The following ADGRL3 variants were observed in gnomAD, a reference collection of about 807,000 sequenced individuals.
The protein encoded by ADGRL3 is calcium-independent alpha-latrotoxin receptor 3.
In ADGRL3, 62 loss-of-function variants were observed where a neutral mutation model predicts 153.5. That is an observed-to-expected ratio of 0.40 (90% CI 0.33 to 0.50). ADGRL3 has a LOEUF of 0.50. Ranked by LOEUF, ADGRL3 falls within the 20% of genes least tolerant of loss-of-function variation. The probability of loss-of-function intolerance (pLI) is 0.47; values close to 1 mark genes in which losing one functional copy is unlikely to be tolerated. For missense variants in ADGRL3, 1,641 were observed against 1,859.4 expected, an observed-to-expected ratio of 0.88 and a Z score of 2.16; for synonymous variants, 710 against 672.5, an observed-to-expected ratio of 1.06 and a Z score of -0.86.
chr4:61,437,073 G>A (rs535845664), intron 2 of ADGRL3, among the ~76,000 whole-genome samples: 4 of 152,108 alleles, frequency 2.6e-5, no homozygotes, highest in Non-Finnish European at 5.9e-5. Flanking sequence ...AGTATTGATA[G>A]GAACCTAAAA....
chr4:61,617,566 A>G (rs2149782561), intron 5 of ADGRL3, among the ~76,000 whole-genome samples: 1 of 152,288 alleles, frequency 6.6e-6, no homozygotes, highest in Admixed American at 6.5e-5. Flanking sequence ...TTCCTGTAAG[A>G]AAAACACCTC....
intron 5 of ADGRL3, among the ~76,000 whole-genome samples, chr4:61,653,171 C>G (rs2094326710): frequency 7.2e-5 from 1 of 13,872 alleles, no homozygotes; most frequent in African/African-American, 5.0e-4. Context: ...CTCTCTCTCT[C>G]ACACACACAC....
At chr4:61,339,749 A>G (rs976339585) in intron 1 of ADGRL3, among the ~76,000 whole-genome samples, 1 of 152,312 alleles carries the variant, frequency 6.6e-6, no homozygotes, top group South Asian at 2.1e-4. Flanking sequence ...CCCTTTGTAC[A>G]TTAATATAAA....
At chr4:61,642,948 T>A (rs1424333434) in intron 5 of ADGRL3, among the ~76,000 whole-genome samples, 4 of 152,216 alleles carry the variant, frequency 2.6e-5, no homozygotes, top group Non-Finnish European at 5.9e-5. Context: ...TTTGTTTGTA[T>A]CCTCTTTTAT....
intron 1 of ADGRL3, among the ~76,000 whole-genome samples, chr4:61,320,269 A>G (rs1385626285): frequency 2.6e-5 from 4 of 152,222 alleles, no homozygotes; most frequent in African/African-American, 9.6e-5. Flanking sequence ...ACCTTCTTAT[A>G]TGCAAATATA....
chr4:61,241,709 T>C (rs991649444), intron 1 of ADGRL3, among the ~76,000 whole-genome samples: 1 of 152,026 alleles, frequency 6.6e-6, no homozygotes, highest in Non-Finnish European at 1.5e-5. Context: ...CAACTTAATG[T>C]ATAAACCTTT....
At position 61,830,999 on chromosome 4, in the gene ADGRL3, G is replaced by A. The variant is rs891180992; in HGVS notation, c.1480+17110G>A. Among the ~76,000 whole-genome samples the A allele has an allele frequency of 9.9e-5, 15 of 151,972 alleles. No individual in the cohort carries two copies. In the East Asian group the frequency reaches 1.4e-3, roughly 14 times the overall value. ...TGCCTCCTGGGTTCAAGCAATCCTC[G>A]TGCCTCAGCCACCCAAATAGCTGGG... is the stretch of plus-strand genomic sequence containing the variant. On this transcript the variant is annotated intron_variant, in intron 9 of 26. Transcript: ENST00000683033.
chr4:61,353,909 C>T (rs1397014811), intron 1 of ADGRL3, among the ~76,000 whole-genome samples: 1 of 151,938 alleles, frequency 6.6e-6, no homozygotes, highest in Non-Finnish European at 1.5e-5. Context: ...TTTACCATAC[C>T]ATTTCCCTTA....
At chr4:61,531,948 T>A (rs181707082) in intron 4 of ADGRL3, among the ~76,000 whole-genome samples, 110 of 152,260 alleles carry the variant, frequency 7.2e-4, no homozygotes, top group Admixed American at 2.6e-3. Context: ...CAAATGAAGG[T>A]GGTGTGTTCT....
At chr4:61,747,095 C>T (rs1226452472) in intron 8 of ADGRL3, among the ~76,000 whole-genome samples, 3 of 152,180 alleles carry the variant, frequency 2.0e-5, no homozygotes, top group Non-Finnish European at 4.4e-5. Flanking sequence ...TGCAAATAAA[C>T]TAGAAAATGT....
At chr4:61,652,335 C>A (rs984472790) in intron 5 of ADGRL3, among the ~76,000 whole-genome samples, 1 of 152,044 alleles carries the variant, frequency 6.6e-6, no homozygotes, top group African/African-American at 2.4e-5. Context: ...TTTACCCAGT[C>A]TGAAGATTAA....
At chr4:61,274,152 A>G (rs1203258067) in intron 1 of ADGRL3, among the ~76,000 whole-genome samples, 1 of 152,240 alleles carries the variant, frequency 6.6e-6, no homozygotes, top group Non-Finnish European at 1.5e-5. Context: ...TTGGTAAGAA[A>G]AAGTTAGCTA....
chr4:61,854,986 C>T (rs1352850901), intron 9 of ADGRL3, among the ~76,000 whole-genome samples: 3 of 152,100 alleles, frequency 2.0e-5, no homozygotes, highest in Non-Finnish European at 4.4e-5. Flanking sequence ...TCTTTAAACA[C>T]ACCCTAAGTG....
intron 9 of ADGRL3, among the ~76,000 whole-genome samples, chr4:61,874,787 CTCTTTTTTTTTTTTTTTT>C (rs2098464839): frequency 1.1e-5 from 1 of 88,592 alleles, no homozygotes. Context: ...CATCAAAATG[CTCTTTTTTTTTTTTTTTT>C]TTTTTTTTTT....
rs1381610422 is a variant in ADGRL3, at chr4:62,031,732, C to G, written c.3591+122C>G. The G allele has an allele frequency of 6.1e-6, 4 of 661,046 alleles. No homozygotes were observed. In the African/African-American group the frequency reaches 7.3e-5, roughly 12 times the overall value. The allele number at this position is 661,046 out of a possible 1,614,324, so 40.9% of individuals were successfully genotyped here. A position where few individuals can be genotyped will look rare whatever the true frequency, so the allele number is the denominator to read the frequency against. ...GTCTACAAGAAATAAAGATACTCAT[C>G]ATTTATAACAGTAAAGCAAAACAAA... On this transcript the variant is annotated intron_variant, in intron 23 of 26. Coordinates refer to ENST00000683033, the MANE Select transcript of ADGRL3 (RefSeq NM_001387552.1).
chr4:61,448,001 T>A (rs1453071348), intron 2 of ADGRL3, among the ~76,000 whole-genome samples: 1 of 152,148 alleles, frequency 6.6e-6, no homozygotes, highest in Non-Finnish European at 1.5e-5. Context: ...TAGAAAGAGA[T>A]GTATTCTACA....
At chr4:61,777,244 A>G (rs1561232652) in intron 8 of ADGRL3, among the ~76,000 whole-genome samples, 2 of 152,050 alleles carry the variant, frequency 1.3e-5, no homozygotes, top group Non-Finnish European at 2.9e-5. Flanking sequence ...GAGGCAGGAG[A>G]ATGGCCTGAA....
chr4:61,286,035 A>G (rs1466720639), intron 1 of ADGRL3, among the ~76,000 whole-genome samples: 1 of 151,068 alleles, frequency 6.6e-6, no homozygotes, highest in Non-Finnish European at 1.5e-5. Context: ...TTGTTTCACT[A>G]CAGAAAAGTG....
At chr4:61,648,150 G>C (rs1350960909) in intron 5 of ADGRL3, among the ~76,000 whole-genome samples, 1 of 151,958 alleles carries the variant, frequency 6.6e-6, no homozygotes, top group African/African-American at 2.4e-5. Flanking sequence ...CTGTACCAAA[G>C]CTAGGTGAAG....
Sources: gnomAD v4.1 joint callset for allele counts (sites outside exome capture counted in the v4.1 genomes callset) on GRCh38, gnomAD v4.1.1 for gene constraint, MANE v1.5 for transcripts, NCBI Gene and HGNC (gene_info 2026-07-23, HGNC 2026-07-21) for gene names.